The following EPHB1 variants were observed in gnomAD, a reference collection of about 807,000 sequenced individuals.
The protein encoded by EPHB1 is ephrin type-B receptor 1.
A neutral mutation model predicts 94.4 loss-of-function variants in EPHB1; 30 were observed. The observed-to-expected ratio is 0.32, with a 90% CI of 0.24 to 0.43. EPHB1 has a LOEUF of 0.43. EPHB1 is among the 20% of genes least tolerant of loss of function. The pLI is 1.00. For missense variants in EPHB1, 1,055 were observed against 1,308.3 expected, an observed-to-expected ratio of 0.81 and a Z score of 2.99; for synonymous variants, 522 against 489.1, an observed-to-expected ratio of 1.07 and a Z score of -0.89.
At chr3:135,179,206 G>T (rs964563948) in intron 9 of EPHB1, among the ~76,000 whole-genome samples, 1 of 152,162 alleles carries the variant, frequency 6.6e-6, no homozygotes, top group Non-Finnish European at 1.5e-5. Context: ...CCGAAGGCAT[G>T]AAGAGTCAAT....
At chr3:135,153,479 A>G (rs1000482352) in intron 5 of EPHB1, among the ~76,000 whole-genome samples, 1 of 152,186 alleles carries the variant, frequency 6.6e-6, no homozygotes, top group African/African-American at 2.4e-5. Flanking sequence ...TTGTTCCCAA[A>G]TGTTTGATTT....
chr3:135,058,010 C>A (rs1937394168), intron 3 of EPHB1, among the ~76,000 whole-genome samples: 1 of 152,218 alleles, frequency 6.6e-6, no homozygotes, highest in African/African-American at 2.4e-5. Context: ...CAGAAGGCAA[C>A]CCCTGTAAAG....
chr3:134,841,670 C>G (rs2036780934), intron 1 of EPHB1: 1 of 152,192 alleles, frequency 6.6e-6, no homozygotes, highest in African/African-American at 2.4e-5. Flanking sequence ...GAATTAGGCT[C>G]ACAATCATTT....
intron 4 of EPHB1, among the ~76,000 whole-genome samples, chr3:135,108,108 G>T (rs942505561): frequency 1.3e-5 from 2 of 152,158 alleles, no homozygotes; most frequent in East Asian, 1.9e-4. Context: ...TCCTGAAAAC[G>T]CTCCTTTCCA....
In EPHB1 at chr3:135,177,537, G is replaced by A. The variant is rs570712935; in HGVS notation, c.1760-2323G>A. Among the ~76,000 whole-genome samples, 47 of 152,336 alleles carry A rather than the reference G, an allele frequency of 3.1e-4. No individual in the cohort carries two copies. The South Asian group carries it at 9.7e-3, about 32-fold the overall frequency. On this transcript the variant is annotated intron_variant, in intron 9 of 15. Coordinates refer to ENST00000398015, the MANE Select transcript of EPHB1 (RefSeq NM_004441.5). ...AGAGTGGGACAACTCTGAAGCATGTGCTAACCTAGACATTGCTTAGATGTG... is the reference window on the plus strand; with the variant it reads ...AGAGTGGGACAACTCTGAAGCATGTACTAACCTAGACATTGCTTAGATGTG...
At chr3:135,132,584 T>C (rs990986189) in intron 4 of EPHB1, 130 bp from the exon 5 acceptor site, 5 of 715,396 alleles carry the variant, frequency 7.0e-6, no homozygotes, top group Non-Finnish European at 1.1e-5. Flanking sequence ...AGCATAGCCA[T>C]TTGGGGTTGA....
intron 1 of EPHB1, among the ~76,000 whole-genome samples, chr3:134,922,484 G>A (rs2038708329): frequency 6.6e-6 from 1 of 152,214 alleles, no homozygotes; most frequent in Non-Finnish European, 1.5e-5. Flanking sequence ...TTATTTAGAA[G>A]CAGATTTAAT....
At chr3:134,887,266 C>T (rs370252097) in intron 1 of EPHB1, among the ~76,000 whole-genome samples, 2 of 152,166 alleles carry the variant, frequency 1.3e-5, no homozygotes, top group South Asian at 2.1e-4. Context: ...TAGTAGACTC[C>T]ACTGGACTTC....
intron 1 of EPHB1, among the ~76,000 whole-genome samples, chr3:134,909,469 A>G (rs2038408467): frequency 6.6e-6 from 1 of 152,204 alleles, no homozygotes; most frequent in Non-Finnish European, 1.5e-5. Context: ...AAGCTTTTCA[A>G]GCCTTGAGAG....
intron 3 of EPHB1, among the ~76,000 whole-genome samples, chr3:135,103,008 G>C (rs939216368): frequency 6.6e-6 from 1 of 152,130 alleles, no homozygotes; most frequent in Admixed American, 6.5e-5. Flanking sequence ...ATAGCATTAG[G>C]ACAAATACCT....
chr3:135,113,494 A>G (rs1431228919), intron 4 of EPHB1, among the ~76,000 whole-genome samples: 1 of 152,136 alleles, frequency 6.6e-6, no homozygotes, highest in African/African-American at 2.4e-5. Flanking sequence ...AATCCTCCCA[A>G]TGTTAGCCTT....
chr3:134,919,170 G>C lies in EPHB1; in HGVS notation c.59-6646G>C, dbSNP rs140209593. ...GAATATGGTTAATGATTGAGTAAAA[G>C]ACTGAAGTAGAGGAAGGAATCAAAA... On this transcript the variant is annotated intron_variant, in intron 1 of 15. Transcript: ENST00000398015. 3.0e-3 allele frequency among the ~76,000 whole-genome samples: 454 copies of C among 152,330 alleles called. 2 individuals are homozygous for C. Among genetic ancestry groups the C allele is most frequent in the African/African-American group, 0.01 (430 of 41,574 alleles).
At chr3:135,139,607 A>G (rs1009242089) in intron 5 of EPHB1, among the ~76,000 whole-genome samples, 1 of 152,142 alleles carries the variant, frequency 6.6e-6, no homozygotes, top group Non-Finnish European at 1.5e-5. Flanking sequence ...AGTCGACAGC[A>G]CTCACTGAGA....
At chr3:135,024,708 A>G (rs1052401903) in intron 3 of EPHB1, among the ~76,000 whole-genome samples, 2 of 152,204 alleles carry the variant, frequency 1.3e-5, no homozygotes, top group Non-Finnish European at 2.9e-5. Context: ...TTCCATGAGT[A>G]CCAAAAGGAA....
chr3:134,896,912 G>A (rs570233176), intron 1 of EPHB1, among the ~76,000 whole-genome samples: 19 of 152,390 alleles, frequency 1.2e-4, no homozygotes, highest in Admixed American at 7.2e-4. Context: ...GGCGAGCAAG[G>A]GAGCTGGATG....
chr3:134,926,027 G>T, intron 2 of EPHB1, 147 bp downstream of exon 2: 1 of 652,330 alleles, frequency 1.5e-6, no homozygotes, highest in Non-Finnish European at 2.5e-6. Context: ...TCCATGCAAA[G>T]ACAGCACCAG....
chr3:134,976,046 G>A (rs1366022601), intron 3 of EPHB1, among the ~76,000 whole-genome samples: 2 of 152,210 alleles, frequency 1.3e-5, no homozygotes, highest in African/African-American at 4.8e-5. Context: ...GCACCTGGAG[G>A]GAGTCTGCCT....
chr3:135,189,783 C>T (rs1477064005), intron 10 of EPHB1, among the ~76,000 whole-genome samples: 2 of 152,180 alleles, frequency 1.3e-5, no homozygotes, highest in Non-Finnish European at 2.9e-5. Context: ...ACCTGGAGCA[C>T]TTTTCCAAAC....
Position 134,904,487 on chromosome 3 carries a change from TG to T in EPHB1, c.59-21323del, listed in dbSNP as rs548314291. ...TGTGTCTGTGGTCTGTGGTCTGTGG[TG>T]GGGGGTGGCAGGTAAGCACCATGGG... On this transcript the variant is annotated intron_variant, in intron 1 of 15. Coordinates refer to ENST00000398015, the MANE Select transcript of EPHB1 (RefSeq NM_004441.5). Among the ~76,000 whole-genome samples, 43 of 151,620 alleles carry T rather than the reference TG, an allele frequency of 2.8e-4. No homozygotes were observed. The South Asian group carries it at 8.8e-3, about 31-fold the overall frequency.
Sources: allele counts gnomAD v4.1 joint callset (sites outside exome capture counted in the v4.1 genomes callset), GRCh38; gene constraint gnomAD v4.1.1; transcripts MANE v1.5; gene names NCBI Gene and HGNC (gene_info 2026-07-23, HGNC 2026-07-21).